MECOM: variants seen among roughly 807,000 people sequenced by gnomAD.
MECOM encodes the protein MDS1 and EVI1 complex locus, also known as histone-lysine N-methyltransferase MECOM.
In MECOM, 13 loss-of-function variants were observed where a neutral mutation model predicts 116.3. That is an observed-to-expected ratio of 0.11 (90% confidence interval 0.07 to 0.18). The LOEUF (loss-of-function observed/expected upper bound fraction) is 0.18. MECOM is among the 10% of genes least tolerant of loss of function. MECOM has a pLI of 1.00. For synonymous variants in MECOM, 528 were observed against 535.2 expected (o/e 0.99, Z 0.19); for missense variants, 1,299 against 1,509.0 (o/e 0.86, Z 2.31).
chr3:169,212,452 T>TA lies in MECOM; in HGVS notation c.376-68621dup, dbSNP rs549572989. ...ATGTCAATGAATAAAAGGGAGAAGG[T>TA]AAAAAAAAAAAAAGCTAAACTGCTT... is the stretch of plus-strand genomic sequence containing the variant. On this transcript the variant is annotated intron_variant, in intron 2 of 16. Coordinates refer to ENST00000651503, the MANE Select transcript of MECOM (RefSeq NM_004991.4). Among the ~76,000 whole-genome samples the TA allele has an allele frequency of 2.8e-3, 348 of 125,776 alleles. 2 individuals carry two copies. Among genetic ancestry groups the TA allele is most frequent in the East Asian group, 7.9e-3 (35 of 4,446 alleles). The allele number at this position is 125,776 out of a possible 152,430, so 82.5% of individuals were successfully genotyped here.
intron 1 of MECOM, among the ~76,000 whole-genome samples, chr3:169,394,998 A>G (rs1373825353): frequency 6.6e-6 from 1 of 152,236 alleles, no homozygotes; most frequent in Non-Finnish European, 1.5e-5. Context: ...AAAGAAGTGT[A>G]TTATAAATTC....
intron 2 of MECOM, among the ~76,000 whole-genome samples, chr3:169,237,413 C>A (rs1310918802): frequency 6.6e-6 from 1 of 152,006 alleles, no homozygotes; most frequent in East Asian, 1.9e-4. Context: ...CTATAGTATT[C>A]AATATAAAAT....
intron 1 of MECOM, among the ~76,000 whole-genome samples, chr3:169,500,696 T>C (rs1754422713): frequency 6.6e-6 from 1 of 152,016 alleles, no homozygotes; most frequent in Non-Finnish European, 1.5e-5. Context: ...AGCAATTATA[T>C]AAATTTAAAG....
At chr3:169,324,632 G>A (rs969796656) in intron 2 of MECOM, among the ~76,000 whole-genome samples, 7 of 152,192 alleles carry the variant, frequency 4.6e-5, no homozygotes, top group African/African-American at 1.2e-4. Context: ...AAAGGGACTC[G>A]GTGCAGATCC....
At chr3:169,532,523 G>C (rs1283752592) in intron 1 of MECOM, among the ~76,000 whole-genome samples, 1 of 152,192 alleles carries the variant, frequency 6.6e-6, no homozygotes, top group African/African-American at 2.4e-5. Flanking sequence ...TGAGCACTTT[G>C]TCTAAGACCC....
chr3:169,189,415 A>G (rs886857664), intron 2 of MECOM, among the ~76,000 whole-genome samples: 2 of 151,986 alleles, frequency 1.3e-5, no homozygotes, highest in African/African-American at 4.8e-5. Flanking sequence ...GGGGAAAAAA[A>G]TCCTTTGGGG....
intron 2 of MECOM, among the ~76,000 whole-genome samples, chr3:169,168,494 C>T (rs902580582): frequency 2.6e-5 from 4 of 151,940 alleles, no homozygotes; most frequent in African/African-American, 7.2e-5. Flanking sequence ...ACATTAAAAT[C>T]CTGTTAGGTC....
intron 1 of MECOM, chr3:169,477,132 T>TCC (rs1750596752): frequency 1.0e-5 from 1 of 96,778 alleles, no homozygotes; most frequent in Non-Finnish European, 2.0e-5. Context: ...TATATATATA[T>TCC]ATATATATAT....
In MECOM at chr3:169,217,503, G is replaced by A. The variant is rs111815017; in HGVS notation, c.376-73671C>T. Among the ~76,000 whole-genome samples, 1,470 of 152,092 alleles carry A rather than the reference G, an allele frequency of 9.7e-3. 34 individuals are homozygous for A. The highest frequency in any genetic ancestry group is 0.034 in the African/African-American group (1,398 of 41,490). ...TGAAATGTTTAAAAATAAATAAATA[G>A]GCCGAGCACGGTGGCTCACACCTGT... On this transcript the variant is annotated intron_variant, in intron 2 of 16. Coordinates refer to ENST00000651503, the MANE Select transcript of MECOM (RefSeq NM_004991.4).
At chr3:169,244,253 C>T (rs1391699296) in intron 2 of MECOM, among the ~76,000 whole-genome samples, 1 of 152,158 alleles carries the variant, frequency 6.6e-6, no homozygotes, top group Non-Finnish European at 1.5e-5. Flanking sequence ...CATTTCACAG[C>T]TCTGGAGTAA....
At chr3:169,090,970 G>T (rs1339636785) in intron 14 of MECOM, among the ~76,000 whole-genome samples, 2 of 151,672 alleles carry the variant, frequency 1.3e-5, no homozygotes, top group African/African-American at 2.4e-5. Flanking sequence ...AGATTTCCCA[G>T]GATTAAAAAA....
intron 1 of MECOM, among the ~76,000 whole-genome samples, chr3:169,652,112 T>C (rs1461012694): frequency 1.3e-5 from 2 of 152,138 alleles, no homozygotes; most frequent in South Asian, 2.1e-4. Context: ...TGAACCCCCA[T>C]TCAACCATTT....
intron 2 of MECOM, among the ~76,000 whole-genome samples, chr3:169,298,170 T>C (rs1424038036): frequency 6.6e-6 from 1 of 152,170 alleles, no homozygotes; most frequent in African/African-American, 2.4e-5. Context: ...AAAATGTCTT[T>C]TATTTACGGA....
At chr3:169,281,127 G>A (rs1711887007) in intron 2 of MECOM, among the ~76,000 whole-genome samples, 1 of 152,180 alleles carries the variant, frequency 6.6e-6, no homozygotes. Flanking sequence ...GTGATCTTTG[G>A]AGAAAAGCAT....
At position 169,393,705 on chromosome 3, in the gene MECOM, G is replaced by T. The variant is rs1286575614; in HGVS notation, c.38-12181C>A. Among the ~76,000 whole-genome samples, 3 of 151,938 alleles carry T rather than the reference G, an allele frequency of 2.0e-5. No individual in the cohort carries two copies. The East Asian group carries it at 5.8e-4, about 29-fold the overall frequency. On this transcript the variant is annotated intron_variant, in intron 1 of 16. Transcript: ENST00000651503. The stretch of plus-strand genomic sequence containing the variant: ...TGGTGTTTTGCTGATTTTTTTATGA[G>T]TTTATTCTGGTAAACCTTCTTTAAC...
chr3:169,638,409 C>G (rs556643891), intron 1 of MECOM, among the ~76,000 whole-genome samples: 1 of 152,202 alleles, frequency 6.6e-6, no homozygotes, highest in East Asian at 1.9e-4. Context: ...ACATGACTGA[C>G]AGTATTAGCC....
chr3:169,470,014 C>T (rs1225687545), intron 1 of MECOM: 1 of 152,192 alleles, frequency 6.6e-6, no homozygotes, highest in Admixed American at 6.5e-5. Flanking sequence ...GAGGAGTCAA[C>T]TCTTAAATAA....
chr3:169,189,110 C>T (rs1400491716), intron 2 of MECOM, among the ~76,000 whole-genome samples: 2 of 152,078 alleles, frequency 1.3e-5, no homozygotes, highest in Non-Finnish European at 2.9e-5. Flanking sequence ...ATATTTAGTA[C>T]TTCAGAGCAA....
intron 2 of MECOM, among the ~76,000 whole-genome samples, chr3:169,150,877 T>A (rs1429293693): frequency 6.6e-6 from 1 of 152,210 alleles, no homozygotes; most frequent in African/African-American, 2.4e-5. Context: ...GTTTTCTTCC[T>A]GGTTTGAAAA....
Sources: allele counts gnomAD v4.1 joint callset (sites outside exome capture counted in the v4.1 genomes callset), GRCh38; gene constraint gnomAD v4.1.1; transcripts MANE v1.5; gene names NCBI Gene and HGNC (gene_info 2026-07-23, HGNC 2026-07-21).